AXDND1: variants seen among roughly 807,000 people sequenced by gnomAD.
AXDND1 encodes axonemal dynein light chain domain containing 1.
In AXDND1, 110 loss-of-function variants were observed where a neutral mutation model predicts 137.5. The observed-to-expected ratio is 0.80, with a 90% confidence interval of 0.69 to 0.94. The LOEUF (loss-of-function observed/expected upper bound fraction) is 0.94. AXDND1 is among the 40% of genes least tolerant of loss of function. AXDND1 has a pLI of 0.00. For synonymous variants in AXDND1, 414 were observed against 399.7 expected (o/e 1.04, Z -0.43); for missense variants, 1,191 against 1,169.8 (o/e 1.02, Z -0.26).
chr1:179,420,440 G>C (rs139095550), intron 12 of AXDND1, among the ~76,000 whole-genome samples: 44 of 152,114 alleles, frequency 2.9e-4, no homozygotes, highest in South Asian at 1.2e-3. Flanking sequence ...TTTGATATTA[G>C]GGTAATGCCT....
chr1:179,455,636 A>C (rs1222036085), intron 16 of AXDND1: 1 of 151,844 alleles, frequency 6.6e-6, no homozygotes, highest in East Asian at 1.9e-4. Context: ...ATTTTGGAAG[A>C]TACTAGTATA....
intron 19 of AXDND1, 111 bp downstream of exon 19, chr1:179,491,848 T>A: frequency 2.0e-6 from 2 of 979,466 alleles, no homozygotes; most frequent in Non-Finnish European, 2.9e-6. Context: ...TTGAAAGAAA[T>A]ACTAGTTCAG....
chr1:179,531,879 A>G (rs1474105410), intron 23 of AXDND1, among the ~76,000 whole-genome samples: 2 of 152,202 alleles, frequency 1.3e-5, no homozygotes, highest in Non-Finnish European at 1.5e-5. Flanking sequence ...GGAGGGTCCA[A>G]TGCAATTGAT....
At chr1:179,480,061 C>T (rs1665169922) in intron 17 of AXDND1, among the ~76,000 whole-genome samples, 1 of 152,184 alleles carries the variant, frequency 6.6e-6, no homozygotes, top group Non-Finnish European at 1.5e-5. Context: ...TTCCTGTCTT[C>T]TTCTGAGCCC....
intron 25 of AXDND1, among the ~76,000 whole-genome samples, chr1:179,550,109 T>G (rs987254672): frequency 1.3e-5 from 2 of 152,238 alleles, no homozygotes; most frequent in Non-Finnish European, 2.9e-5. Context: ...GAGATTTGCC[T>G]GTTCCTTTGG....
At position 179,415,376 on chromosome 1, in the gene AXDND1, C is replaced by T. The variant is rs144993618; in HGVS notation, c.1230+4110C>T. Among the ~76,000 whole-genome samples the T allele has an allele frequency of 5.4e-3, 815 of 151,910 alleles. 10 individuals are homozygous for T. The highest frequency in any genetic ancestry group is 0.019 in the African/African-American group (781 of 41,410). On this transcript the variant is annotated intron_variant, in intron 12 of 25. Transcript: ENST00000367618. ...AACAAAACAAAACAAATTTAGATCCCGACCTCATTAAAAAGATAACTAAAA... is the reference window on the plus strand; with the variant it reads ...AACAAAACAAAACAAATTTAGATCCTGACCTCATTAAAAAGATAACTAAAA...
Position 179,469,149 on chromosome 1 carries a change from C to T in AXDND1, c.1997+508C>T, listed in dbSNP as rs369317276. On this transcript the variant is annotated intron_variant, in intron 17 of 25. Transcript: ENST00000367618. ...TTCACCATGTTGGCTAGGCTGGTCT[C>T]GAACTCCTGACCTCAGGTGATACGC... Among the ~76,000 whole-genome samples the T allele has an allele frequency of 5.9e-5, 9 of 151,960 alleles. No individual in the cohort carries two copies. In the South Asian group the frequency reaches 6.2e-4, roughly 11 times the overall value.
intron 20 of AXDND1, among the ~76,000 whole-genome samples, chr1:179,503,802 C>T (rs888582070): frequency 7.2e-5 from 11 of 151,922 alleles, no homozygotes; most frequent in Non-Finnish European, 1.5e-4. Flanking sequence ...TGAGAACACG[C>T]GGTGTTTGCT....
At chr1:179,553,832 G>A (rs186477989) in intron 25 of AXDND1, among the ~76,000 whole-genome samples, 198 of 151,900 alleles carry the variant, frequency 1.3e-3, no homozygotes, top group Non-Finnish European at 1.9e-3. Flanking sequence ...TGCAGCCTCC[G>A]CCTCCCGGGT....
intron 25 of AXDND1, chr1:179,545,734 AG>A (rs1254531386): frequency 2.0e-5 from 3 of 152,166 alleles, no homozygotes; most frequent in Admixed American, 6.5e-5. Flanking sequence ...CCTGAACATG[AG>A]CCTTGTCCCT....
At chr1:179,482,585 A>G (rs1349121264) in intron 17 of AXDND1, among the ~76,000 whole-genome samples, 2 of 152,160 alleles carry the variant, frequency 1.3e-5, no homozygotes, top group Non-Finnish European at 2.9e-5. Flanking sequence ...AGGAGCAGTC[A>G]TGGTTCAAAT....
At chr1:179,504,215 T>A (rs925511128) in intron 20 of AXDND1, among the ~76,000 whole-genome samples, 2 of 152,232 alleles carry the variant, frequency 1.3e-5, no homozygotes, top group Admixed American at 6.5e-5. Flanking sequence ...AGAAGGATTC[T>A]TCACAACAGG....
At chr1:179,368,321 C>T (rs916173571) in intron 2 of AXDND1, among the ~76,000 whole-genome samples, 1 of 152,146 alleles carries the variant, frequency 6.6e-6, no homozygotes, top group Admixed American at 6.5e-5. Context: ...CTTTTAAGCC[C>T]AACCCAGAGC....
At chr1:179,380,653 T>C (rs549392868) in intron 6 of AXDND1, among the ~76,000 whole-genome samples, 51 of 152,248 alleles carry the variant, frequency 3.3e-4, no homozygotes, top group Non-Finnish European at 5.3e-4. Flanking sequence ...TATAATAAAA[T>C]ATCCAGAGGC....
chr1:179,536,592 C>T (rs1360955452), intron 25 of AXDND1, among the ~76,000 whole-genome samples: 1 of 152,130 alleles, frequency 6.6e-6, no homozygotes, highest in Admixed American at 6.5e-5. Context: ...GGTACCAGTA[C>T]CATGCTGTTT....
At chr1:179,537,380 A>G (rs962809321) in intron 25 of AXDND1, among the ~76,000 whole-genome samples, 1 of 152,064 alleles carries the variant, frequency 6.6e-6, no homozygotes, top group African/African-American at 2.4e-5. Flanking sequence ...TTCCATCATC[A>G]CCTAGTTTAT....
chr1:179,509,043 T>C (rs763387051), intron 20 of AXDND1, among the ~76,000 whole-genome samples: 1 of 152,198 alleles, frequency 6.6e-6, no homozygotes, highest in African/African-American at 2.4e-5. Flanking sequence ...ACAATCTTTT[T>C]GTATCTGTTT....
intron 12 of AXDND1, among the ~76,000 whole-genome samples, chr1:179,428,677 G>A (rs1055194932): frequency 2.6e-5 from 4 of 152,194 alleles, no homozygotes; most frequent in African/African-American, 7.2e-5. Context: ...GCAGCTACAT[G>A]ACGTGATATA....
chr1:179,528,292 G>C (rs1558306692), intron 22 of AXDND1, 35 bp from the exon 23 acceptor site: 3 of 1,515,674 alleles, frequency 2.0e-6, no homozygotes, highest in Non-Finnish European at 2.7e-6. Context: ...TGCTACACCA[G>C]CTTGCTAACA....
Sources: allele counts gnomAD v4.1 joint callset (sites outside exome capture counted in the v4.1 genomes callset), GRCh38; gene constraint gnomAD v4.1.1; transcripts MANE v1.5; gene names NCBI Gene and HGNC (gene_info 2026-07-23, HGNC 2026-07-21).